NCR1: variants seen among roughly 807,000 people sequenced by gnomAD.
NCR1 encodes the protein natural cytotoxicity triggering receptor 1.
In NCR1, 30 loss-of-function variants were observed where a neutral mutation model predicts 32.5. The observed-to-expected ratio is 0.92, with a 90% confidence interval of 0.69 to 1.25. The LOEUF (loss-of-function observed/expected upper bound fraction) is 1.25. Ranked by LOEUF, NCR1 falls within the 50% of genes most tolerant of loss-of-function variation. NCR1 has a pLI of 0.00. For synonymous variants in NCR1, 169 were observed against 143.4 expected, an observed-to-expected ratio of 1.18 and a Z score of -1.28; for missense variants, 369 against 380.7, an observed-to-expected ratio of 0.97 and a Z score of 0.26.
the NCR1 span, among the ~76,000 whole-genome samples, chr19:54,926,062 C>A: frequency 6.7e-6 from 1 of 149,498 alleles, no homozygotes; most frequent in Admixed American, 6.7e-5. Flanking sequence ...GACTCCGTCT[C>A]AAAAAAAAAT....
chr19:54,906,173 G>A lies in NCR1; in HGVS notation c.-15G>A, dbSNP rs747318980. 10 of 1,613,954 alleles carry A rather than the reference G, an allele frequency of 6.2e-6. No individual in the cohort carries two copies. The Admixed American group carries it at 6.7e-5, about 11-fold the overall frequency. ...AGTCCCCACTGCTCAGCACTAGGCCGGCAGAATCTGAGCGATGTCTTCCAC... is the reference window on the plus strand; with the variant it reads ...AGTCCCCACTGCTCAGCACTAGGCCAGCAGAATCTGAGCGATGTCTTCCAC... On this transcript the variant is annotated 5_prime_UTR_variant, in exon 1 of 7. Transcript: ENST00000291890.
At chr19:54,934,166 C>T in the NCR1 span, among the ~76,000 whole-genome samples, 3 of 152,330 alleles carry the variant, frequency 2.0e-5, no homozygotes, top group East Asian at 5.8e-4. The surrounding 1 kb of genome is among the most constrained non-coding windows in gnomAD (Gnocchi z 6.7). Context: ...TGGTCTCGAT[C>T]TCTTGACCTC....
chr19:54,932,598 G>A, the NCR1 span, among the ~76,000 whole-genome samples: 17 of 152,208 alleles, frequency 1.1e-4, no homozygotes, highest in African/African-American at 4.1e-4. Flanking sequence ...ACTATAGTTC[G>A]TGGGTCAATT....
the NCR1 span, among the ~76,000 whole-genome samples, chr19:54,923,053 C>A: frequency 1.3e-5 from 2 of 152,086 alleles, no homozygotes; most frequent in Admixed American, 1.3e-4. Flanking sequence ...GAGGCAGGGC[C>A]ATCTTCTGAA....
the NCR1 span, among the ~76,000 whole-genome samples, chr19:54,922,007 C>T: frequency 1.3e-5 from 2 of 151,930 alleles, no homozygotes; most frequent in Admixed American, 6.6e-5. Context: ...AGCGATTCTC[C>T]TGCCTCAGCC....
chr19:54,917,112 G>C (rs752744002), downstream of NCR1, among the ~76,000 whole-genome samples: 1 of 151,708 alleles, frequency 6.6e-6, no homozygotes, highest in Non-Finnish European at 1.5e-5. Flanking sequence ...TCACTTCTCT[G>C]GCTTTCTCGG....
the NCR1 span, among the ~76,000 whole-genome samples, chr19:54,921,601 G>A: frequency 6.6e-5 from 10 of 152,028 alleles, no homozygotes; most frequent in South Asian, 2.1e-4. Context: ...GTGAAACCTC[G>A]TCTTTACTAA....
the NCR1 span, chr19:54,933,612 A>T: frequency 2.5e-6 from 4 of 1,614,178 alleles, no homozygotes; most frequent in Non-Finnish European, 8.5e-7. Context: ...AAGCCCTCAC[A>T]CAGAAACTTC....
the NCR1 span, chr19:54,936,542 C>A: frequency 3.1e-6 from 3 of 975,588 alleles, no homozygotes; most frequent in Non-Finnish European, 4.8e-6. Flanking sequence ...AAGTTCTTGG[C>A]CGGGTGCAGT....
chr19:54,900,096 G>T, the NCR1 span, among the ~76,000 whole-genome samples: 4 of 152,160 alleles, frequency 2.6e-5, no homozygotes, highest in Non-Finnish European at 5.9e-5. Flanking sequence ...AGAGGTCGTA[G>T]GTGGATCTTT....
At chr19:54,935,148 A>G in the NCR1 span, among the ~76,000 whole-genome samples, 1 of 152,086 alleles carries the variant, frequency 6.6e-6, no homozygotes, top group Non-Finnish European at 1.5e-5. Context: ...GGTAACATCC[A>G]GCCACTTCTC....
At chr19:54,906,854 G>A (rs374298937) in intron 3 of NCR1, 47 bp downstream of exon 3, 18 of 1,591,954 alleles carry the variant, frequency 1.1e-5, no homozygotes, top group Admixed American at 5.0e-5. Context: ...GTCTGCATCC[G>A]GGATGCAGCA....
Position 54,910,054 on chromosome 19 carries a change from C to T in NCR1, c.671C>T (p.Pro224Leu). The T allele has an allele frequency of 6.2e-7, 1 of 1,614,002 alleles. No individual in the cohort carries two copies. The highest frequency in any genetic ancestry group is 1.7e-5 in the Admixed American group (1 of 59,980). ...AACACCAGCCTTGCACCTGAAGACC[C>T]CACCTTTCCTGGTGAGTAACTGGTC... ...IENTSLAPED[P>L]TFPADTWGTY... Residue 224 changes from proline to leucine, a missense_variant, in exon 5 of 7, where the codon CCC becomes CTC. Physicochemically the swap from Pro to Leu is moderately conservative, Grantham distance 98. Transcript: ENST00000291890.
downstream of NCR1, among the ~76,000 whole-genome samples, chr19:54,920,494 G>A (rs370063855): frequency 3.9e-5 from 6 of 152,118 alleles, no homozygotes; most frequent in African/African-American, 1.4e-4. Flanking sequence ...GTCAGGCGCC[G>A]TAATCACAGC....
intron 5 of NCR1, among the ~76,000 whole-genome samples, chr19:54,911,328 G>A (rs1177703011): frequency 4.1e-5 from 6 of 146,148 alleles, no homozygotes; most frequent in East Asian, 2.0e-4. Flanking sequence ...CAGCCTGGGC[G>A]ACAGAGTGAG....
intron 3 of NCR1, among the ~76,000 whole-genome samples, chr19:54,909,044 C>T (rs373110421): frequency 1.5e-4 from 22 of 151,532 alleles, no homozygotes; most frequent in South Asian, 1.3e-3. Flanking sequence ...GTGGCAGGCC[C>T]CTGTAGTCCC....
chr19:54,903,351 C>CATATATACATACATGT (rs1556716422), upstream of NCR1, among the ~76,000 whole-genome samples: 3 of 117,346 alleles, frequency 2.6e-5, no homozygotes, highest in Non-Finnish European at 5.2e-5. Flanking sequence ...TACATATATG[C>CATATATACATACATGT]ATATATACAT....
the NCR1 span, among the ~76,000 whole-genome samples, chr19:54,935,725 G>A: frequency 6.6e-6 from 1 of 151,568 alleles, no homozygotes; most frequent in Non-Finnish European, 1.5e-5. Flanking sequence ...TTCTCATTGA[G>A]TGCAGAGAAG....
the NCR1 span, among the ~76,000 whole-genome samples, chr19:54,930,032 G>A: frequency 0.55 from 81,000 of 146,296 alleles, 22,752 homozygotes; most frequent in East Asian, 0.72. Flanking sequence ...GGAGAATAGC[G>A]AGAACCCGGG....
Sources: allele counts gnomAD v4.1 joint callset (sites outside exome capture counted in the v4.1 genomes callset), GRCh38; gene constraint gnomAD v4.1.1; non-coding constraint Gnocchi (gnomAD v3.1); transcripts MANE v1.5; gene names NCBI Gene and HGNC (gene_info 2026-07-23, HGNC 2026-07-21).